PVT1: variants seen among roughly 807,000 people sequenced by gnomAD.
PVT1 encodes the protein Pvt1 oncogene.
chr8:128,023,771 A>G (rs889723341), intron 4 of PVT1, among the ~76,000 whole-genome samples: 47 of 152,170 alleles, frequency 3.1e-4, no homozygotes, highest in Non-Finnish European at 4.6e-4. Context: ...TCCTAGTTTT[A>G]CGTGAGATGT....
intron 5 of PVT1, among the ~76,000 whole-genome samples, chr8:128,077,232 C>G (rs1419410271): frequency 2.0e-5 from 3 of 151,962 alleles, no homozygotes; most frequent in African/African-American, 7.3e-5. Context: ...TTCCCCTAGT[C>G]CCAGAACTTT....
intron 3 of PVT1, among the ~76,000 whole-genome samples, chr8:127,967,564 G>C (rs1201999840): frequency 1.3e-5 from 2 of 152,210 alleles, no homozygotes; most frequent in East Asian, 3.9e-4. Flanking sequence ...CTACCACAAA[G>C]CTCATTCCAG....
At chr8:128,004,451 C>T (rs1014258046) in intron 4 of PVT1, among the ~76,000 whole-genome samples, 1 of 152,138 alleles carries the variant, frequency 6.6e-6, no homozygotes, top group Admixed American at 6.5e-5. Flanking sequence ...TGCCTTGTCC[C>T]CTCACTTCCC....
intron 3 of PVT1, among the ~76,000 whole-genome samples, chr8:127,952,922 G>A (rs1017195625): frequency 2.6e-5 from 4 of 152,150 alleles, no homozygotes; most frequent in African/African-American, 9.7e-5. Flanking sequence ...CCGCCACCAC[G>A]CCTGGCTAAT....
At position 127,892,357 on chromosome 8, in the gene PVT1, A is replaced by G. The variant is rs548012048; in HGVS notation, n.782+1359A>G. 4.6e-5 allele frequency among the ~76,000 whole-genome samples: 7 copies of G among 152,366 alleles called. No homozygotes were observed. In the South Asian group the frequency reaches 1.2e-3, roughly 27 times the overall value. ...CATTTGCCTTGCACACAGGCTAGAC[A>G]CATACATAGTAGGCATTTTATTTGT... On this transcript the variant is annotated intron_variant and non_coding_transcript_variant, in intron 3 of 10. Transcript: ENST00000651587.
At chr8:127,956,191 G>A (rs948929388) in intron 3 of PVT1, among the ~76,000 whole-genome samples, 1 of 152,244 alleles carries the variant, frequency 6.6e-6, no homozygotes, top group Admixed American at 6.5e-5. Context: ...GCACTCAGCT[G>A]TTCCAGGTTG....
chr8:128,044,565 C>T (rs184708567), intron 4 of PVT1, among the ~76,000 whole-genome samples: 1 of 152,178 alleles, frequency 6.6e-6, no homozygotes, highest in African/African-American at 2.4e-5. Context: ...TACCTCCCTG[C>T]TGGTAACAAA....
chr8:127,821,698 G>C (rs1814730698), intron 2 of PVT1, among the ~76,000 whole-genome samples: 1 of 152,054 alleles, frequency 6.6e-6, no homozygotes, highest in Non-Finnish European at 1.5e-5. Context: ...TGTAGTCCCA[G>C]CTACTGGGGA....
At chr8:127,914,986 C>T (rs903466504) in intron 3 of PVT1, among the ~76,000 whole-genome samples, 2 of 151,858 alleles carry the variant, frequency 1.3e-5, no homozygotes, top group East Asian at 1.9e-4. Flanking sequence ...CCATCACACC[C>T]GGCTAATTTT....
At chr8:127,854,362 G>A (rs1163921650) in intron 2 of PVT1, among the ~76,000 whole-genome samples, 1 of 152,174 alleles carries the variant, frequency 6.6e-6, no homozygotes, top group African/African-American at 2.4e-5. Context: ...CTCTGCGCTG[G>A]GCCGCTGAGT....
chr8:128,051,904 C>A (rs1204506953), intron 4 of PVT1, among the ~76,000 whole-genome samples: 1 of 152,086 alleles, frequency 6.6e-6, no homozygotes, highest in African/African-American at 2.4e-5. Context: ...ATTTTGAATT[C>A]TTTGTCAGAC....
intron 3 of PVT1, among the ~76,000 whole-genome samples, chr8:127,946,204 G>T (rs896071048): frequency 1.6e-4 from 24 of 152,144 alleles, no homozygotes; most frequent in African/African-American, 5.8e-4. Flanking sequence ...AAGCTTGTTG[G>T]GTTATTATCA....
chr8:128,007,647 T>C (rs1166706398), intron 4 of PVT1, among the ~76,000 whole-genome samples: 1 of 152,228 alleles, frequency 6.6e-6, no homozygotes, highest in African/African-American at 2.4e-5. Context: ...CAGACATTTC[T>C]GGGAAATGTG....
intron 2 of PVT1, among the ~76,000 whole-genome samples, chr8:127,804,116 T>C (rs981359782): frequency 2.6e-5 from 4 of 152,104 alleles, no homozygotes; most frequent in Non-Finnish European, 5.9e-5. Flanking sequence ...CTTGGGAGGC[T>C]GAGGCAGGAA....
intron 3 of PVT1, among the ~76,000 whole-genome samples, chr8:127,960,216 C>A (rs1315211352): frequency 6.6e-6 from 1 of 152,184 alleles, no homozygotes; most frequent in Non-Finnish European, 1.5e-5. Context: ...TGAGTCTACT[C>A]CCTTTTTTGA....
intron 4 of PVT1, among the ~76,000 whole-genome samples, chr8:127,990,406 A>G (rs1221344601): frequency 1.3e-5 from 2 of 152,224 alleles, no homozygotes; most frequent in Admixed American, 6.5e-5. Context: ...TGAGTAATTG[A>G]AAGGAGAGAG....
chr8:127,953,378 C>A (rs1273093449), intron 3 of PVT1, among the ~76,000 whole-genome samples: 1 of 152,150 alleles, frequency 6.6e-6, no homozygotes. Context: ...TGCCTGAGAA[C>A]CTGACTCAAA....
chr8:128,056,781 G>A (rs2608059), intron 4 of PVT1, among the ~76,000 whole-genome samples: 6,704 of 152,292 alleles, frequency 0.044, 254 homozygotes, highest in East Asian at 0.19. Flanking sequence ...GTTATTTCAC[G>A]AGTTGCTCCG....
intron 5 of PVT1, among the ~76,000 whole-genome samples, chr8:128,090,644 G>T (rs1006109444): frequency 6.6e-6 from 1 of 152,048 alleles, no homozygotes; most frequent in Non-Finnish European, 1.5e-5. Context: ...GGGGCTGTGG[G>T]TCCCATGAGA....
Sources: allele counts gnomAD v4.1 joint callset (sites outside exome capture counted in the v4.1 genomes callset), GRCh38; gene constraint gnomAD v4.1.1; transcripts MANE v1.5; gene names NCBI Gene and HGNC (gene_info 2026-07-23, HGNC 2026-07-21).